PXDNL: variants seen among roughly 807,000 people sequenced by gnomAD.
The protein encoded by PXDNL is peroxidasin like, also known as probable oxidoreductase PXDNL.
Under a neutral mutation model 150.8 loss-of-function variants are expected in PXDNL, and 145 were observed. That is an observed-to-expected ratio of 0.96 (90% confidence interval 0.84 to 1.10). The LOEUF (loss-of-function observed/expected upper bound fraction) is 1.10. Ranked by LOEUF, PXDNL falls within the 50% of genes least tolerant of loss-of-function variation. PXDNL has a pLI of 0.00. For synonymous variants in PXDNL, 757 were observed against 725.7 expected (o/e 1.04, Z -0.69); for missense variants, 2,087 against 1,873.9 (o/e 1.11, Z -2.10).
chr8:51,342,464 A>G (rs553600139), intron 20 of PXDNL, among the ~76,000 whole-genome samples: 3 of 152,206 alleles, frequency 2.0e-5, no homozygotes, highest in Non-Finnish European at 4.4e-5. Flanking sequence ...TTAATCAGGA[A>G]AAATGGTTCT....
intron 19 of PXDNL, among the ~76,000 whole-genome samples, chr8:51,346,790 A>G (rs1806175519): frequency 6.6e-6 from 1 of 152,136 alleles, no homozygotes. Flanking sequence ...AAGCTCCCCG[A>G]GGCCTCCCTA....
intron 4 of PXDNL, among the ~76,000 whole-genome samples, chr8:51,549,568 T>G (rs116150338): frequency 0.013 from 1,952 of 152,234 alleles, 45 homozygotes; most frequent in African/African-American, 0.045. Context: ...TTTAAAAATC[T>G]GCCCCTGAAT....
chr8:51,438,671 T>C (rs1809467001), intron 12 of PXDNL, among the ~76,000 whole-genome samples: 1 of 151,984 alleles, frequency 6.6e-6, no homozygotes, highest in African/African-American at 2.4e-5. Flanking sequence ...GCCGAGATTG[T>C]GCCACTGCAC....
intron 1 of PXDNL, among the ~76,000 whole-genome samples, chr8:51,662,819 A>G (rs950816768): frequency 2.0e-5 from 3 of 152,238 alleles, no homozygotes; most frequent in African/African-American, 7.2e-5. Context: ...ACTCATGGGA[A>G]GTTAAAATAG....
chr8:51,808,909 A>G (rs1373910471), intron 1 of PXDNL, among the ~76,000 whole-genome samples: 1 of 152,228 alleles, frequency 6.6e-6, no homozygotes, highest in Non-Finnish European at 1.5e-5. Context: ...TTATTGAAGG[A>G]AGAATGAAGA....
At chr8:51,437,145 C>G (rs1004480310) in intron 12 of PXDNL, among the ~76,000 whole-genome samples, 2 of 152,002 alleles carry the variant, frequency 1.3e-5, no homozygotes, top group Non-Finnish European at 2.9e-5. Context: ...CTAGATTAAA[C>G]CAGGAAGAAA....
chr8:51,345,082 G>A (rs549965295), intron 20 of PXDNL, among the ~76,000 whole-genome samples: 2 of 152,254 alleles, frequency 1.3e-5, no homozygotes, highest in Non-Finnish European at 2.9e-5. Context: ...AGGCAGCTAT[G>A]GACAACAAAA....
Position 51,472,257 on chromosome 8 carries a change from C to T in PXDNL, c.742G>A (p.Gly248Arg). ...CGGCAGGTGAAGTAGACGGTATTTC[C>T]TGATGGTACCTCCACATCCTGCGGC... ...FEPQDVEVPS[G>R]NTVYFTCRAE... is the part of the protein sequence containing the mutation. The change falls in exon 8 of 23, where the codon GGA (glycine) becomes AGA (arginine). Residue 248 changes from glycine to arginine, a missense_variant. By Grantham distance (125) the Gly-to-Arg change is moderately radical. Transcript: ENST00000356297. The T allele has an allele frequency of 6.2e-7, 1 of 1,613,516 alleles. No homozygotes were observed. Among genetic ancestry groups the T allele is most frequent in the Non-Finnish European group, 8.5e-7 (1 of 1,179,594 alleles).
At chr8:51,492,499 A>G (rs6473608) in intron 5 of PXDNL, among the ~76,000 whole-genome samples, 54,843 of 151,892 alleles carry the variant, frequency 0.36, 11,915 homozygotes, top group African/African-American at 0.61. Context: ...CCTCACCCAG[A>G]AAGCTCAAGG....
chr8:51,633,886 T>C (rs1377344403), intron 2 of PXDNL, among the ~76,000 whole-genome samples: 1 of 152,154 alleles, frequency 6.6e-6, no homozygotes, highest in Non-Finnish European at 1.5e-5. Flanking sequence ...AATACTAGAC[T>C]GTTATTGGAT....
chr8:51,410,324 C>CAAATA (rs1369010295), intron 16 of PXDNL, among the ~76,000 whole-genome samples: 1 of 152,210 alleles, frequency 6.6e-6, no homozygotes, highest in East Asian at 1.9e-4. Flanking sequence ...AAGTTACCAT[C>CAAATA]CTTATTTAAT....
At position 51,491,100 on chromosome 8, in the gene PXDNL, C is replaced by CA. The variant is rs1374960072; in HGVS notation, c.453-7387dup. ...TAGACTGGCTTAGCCTCCCAGACTACATTTTTCTACTGAGCTGCATTCTTC... is the reference window on the plus strand; with the variant it reads ...TAGACTGGCTTAGCCTCCCAGACTACAATTTTTCTACTGAGCTGCATTCTTC... On this transcript the variant is annotated intron_variant, in intron 5 of 22. Transcript: ENST00000356297. 3.9e-5 allele frequency among the ~76,000 whole-genome samples: 6 copies of CA among 152,192 alleles called. No homozygotes were observed. In the East Asian group the frequency reaches 9.7e-4, roughly 25 times the overall value.
intron 1 of PXDNL, among the ~76,000 whole-genome samples, chr8:51,773,255 C>T (rs1585739797): frequency 6.6e-6 from 1 of 152,130 alleles, no homozygotes; most frequent in Non-Finnish European, 1.5e-5. Flanking sequence ...ACCCTCCTGC[C>T]CACGCTTCTT....
At chr8:51,442,399 G>C (rs1047045542) in intron 12 of PXDNL, among the ~76,000 whole-genome samples, 2 of 151,184 alleles carry the variant, frequency 1.3e-5, no homozygotes, top group African/African-American at 4.9e-5. Context: ...TCAACTCTAT[G>C]TTAAATGACA....
At chr8:51,657,422 C>G (rs991175893) in intron 1 of PXDNL, among the ~76,000 whole-genome samples, 4 of 152,148 alleles carry the variant, frequency 2.6e-5, no homozygotes, top group African/African-American at 9.7e-5. Context: ...CTATGTTGTT[C>G]CTTGTCTACA....
At chr8:51,792,466 G>C (rs1205440637) in intron 1 of PXDNL, among the ~76,000 whole-genome samples, 1 of 152,240 alleles carries the variant, frequency 6.6e-6, no homozygotes, top group East Asian at 1.9e-4. Flanking sequence ...TGGGTCCCAA[G>C]CATAGAGCTG....
chr8:51,692,366 A>AT (rs1008987382), intron 1 of PXDNL, among the ~76,000 whole-genome samples: 9 of 152,322 alleles, frequency 5.9e-5, no homozygotes, highest in East Asian at 1.9e-4. Flanking sequence ...CATTTAAAAT[A>AT]TTTTTTAGTC....
At position 51,556,857 on chromosome 8, in the gene PXDNL, G is replaced by A. The variant is rs1812611545; in HGVS notation, c.363C>T (p.Leu121=). The change falls in exon 4 of 23, where the codon CTC becomes CTT. Residue 121 remains leucine, a synonymous_variant. Coordinates refer to ENST00000356297, the MANE Select transcript of PXDNL (RefSeq NM_144651.5). The part of the protein sequence containing the change: ...HALDKQTFKG[L]ISLEHLYIHF... ...TTACTTACAGATGTTCCAAAGATATGAGTCCTTTAAATGTTTGCTTATCTA... is the reference window on the plus strand; with the variant it reads ...TTACTTACAGATGTTCCAAAGATATAAGTCCTTTAAATGTTTGCTTATCTA... 6.3e-7 allele frequency: 1 copy of A among 1,577,530 alleles called. No homozygotes were observed. The highest frequency in any genetic ancestry group is 8.7e-7 in the Non-Finnish European group (1 of 1,147,678).
intron 2 of PXDNL, among the ~76,000 whole-genome samples, chr8:51,619,441 A>C (rs1421335064): frequency 6.6e-6 from 1 of 152,132 alleles, no homozygotes; most frequent in Admixed American, 6.5e-5. Context: ...AGGTAATATG[A>C]TTTGGGTCTG....
Sources: allele counts gnomAD v4.1 joint callset (sites outside exome capture counted in the v4.1 genomes callset), GRCh38; gene constraint gnomAD v4.1.1; transcripts MANE v1.5; gene names NCBI Gene and HGNC (gene_info 2026-07-23, HGNC 2026-07-21).